Variants in DDR2 observed in about 807,000 individuals in gnomAD.
The protein encoded by DDR2 is discoidin domain-containing receptor 2.
In DDR2, 27 loss-of-function variants were observed where a neutral mutation model predicts 94.9. The ratio of observed to expected loss-of-function variants is 0.28; its 90% CI spans 0.21 to 0.39. DDR2 has a LOEUF of 0.39. DDR2 is among the 10% of genes least tolerant of loss of function. The pLI is 1.00. For missense variants in DDR2, 783 were observed against 1,076.0 expected (o/e 0.73, Z 3.81); for synonymous variants, 382 against 377.2 (o/e 1.01, Z -0.15).
At chr1:162,696,179 T>A (rs1660176687) in intron 2 of DDR2, among the ~76,000 whole-genome samples, 1 of 148,690 alleles carries the variant, frequency 6.7e-6, no homozygotes, top group South Asian at 2.2e-4. Flanking sequence ...GACATGGAAA[T>A]GTTTTAAATG....
intron 2 of DDR2, among the ~76,000 whole-genome samples, chr1:162,688,660 A>C (rs1659806300): frequency 6.6e-6 from 1 of 152,284 alleles, no homozygotes; most frequent in Non-Finnish European, 1.5e-5. Context: ...GAATTCACCC[A>C]TAAAGAAGAC....
At position 162,785,809 on chromosome 1, in the gene DDR2, T is replaced by C. The variant is rs148537455; in HGVS notation, c.*5563T>C. ...TGGTGAAGTGCATTCTCTGTTTGTA[T>C]ACTTTTTGATGGAGAAATTGATCTA... is the stretch of plus-strand genomic sequence containing the variant. On this transcript the variant is annotated 3_prime_UTR_variant, in exon 18 of 18. Coordinates refer to ENST00000367921, the MANE Select transcript of DDR2 (RefSeq NM_006182.4). The C allele has an allele frequency of 2.1e-3, 317 of 152,372 alleles. 3 individuals are homozygous for C. Among genetic ancestry groups the C allele is most frequent in the African/African-American group, 7.4e-3 (308 of 41,582 alleles). 9.4% of individuals were successfully genotyped at this position (152,372 alleles called of 1,614,324 possible).
At chr1:162,657,410 A>G (rs1658049449) in intron 2 of DDR2, among the ~76,000 whole-genome samples, 1 of 152,168 alleles carries the variant, frequency 6.6e-6, no homozygotes, top group Non-Finnish European at 1.5e-5. Context: ...TTTCTTATTA[A>G]TAGGGAGACC....
chr1:162,650,569 C>A (rs1041229293), intron 1 of DDR2, among the ~76,000 whole-genome samples: 1 of 152,106 alleles, frequency 6.6e-6, no homozygotes, highest in African/African-American at 2.4e-5. Context: ...GCCCTCCAGC[C>A]TGGGCAACAG....
chr1:162,664,944 T>C (rs1238184256), intron 2 of DDR2, among the ~76,000 whole-genome samples: 1 of 152,244 alleles, frequency 6.6e-6, no homozygotes, highest in African/African-American at 2.4e-5. Context: ...TTAGTCTTGT[T>C]CCTGGGGATA....
intron 1 of DDR2, among the ~76,000 whole-genome samples, chr1:162,637,644 G>C (rs1476912368): frequency 6.6e-6 from 1 of 152,036 alleles, no homozygotes; most frequent in Non-Finnish European, 1.5e-5. Context: ...TGCCTCTCAA[G>C]CTGTTTATAA....
At chr1:162,765,924 G>C (rs1327559225) in intron 9 of DDR2, 77 bp from the exon 10 acceptor site, 1 of 1,337,342 alleles carries the variant, frequency 7.5e-7, no homozygotes, top group East Asian at 2.3e-5. Context: ...TAATGTGCTA[G>C]GTCACAATAT....
intron 1 of DDR2, among the ~76,000 whole-genome samples, chr1:162,646,715 G>A (rs1018250198): frequency 5.3e-5 from 8 of 152,160 alleles, no homozygotes; most frequent in Admixed American, 6.5e-5. Context: ...GGGCCAGTGG[G>A]TCTCAATCTT....
chr1:162,739,694 TC>T (rs1662494423), intron 3 of DDR2, among the ~76,000 whole-genome samples: 1 of 152,224 alleles, frequency 6.6e-6, no homozygotes, highest in South Asian at 2.1e-4. Flanking sequence ...CGGAAGAATT[TC>T]ATGATTTGAT....
At chr1:162,775,608 ACT>A in intron 14 of DDR2, 42 bp from the exon 15 acceptor site, 1 of 1,605,046 alleles carries the variant, frequency 6.2e-7, no homozygotes, top group South Asian at 1.1e-5. Context: ...CTTGATTCTG[ACT>A]CTGGCAACTT....
At chr1:162,715,839 GCT>G (rs1430602258) in intron 2 of DDR2, among the ~76,000 whole-genome samples, 2 of 152,168 alleles carry the variant, frequency 1.3e-5, no homozygotes, top group East Asian at 1.9e-4. Flanking sequence ...GCTTTACAGT[GCT>G]CTGTTTGTTA....
chr1:162,772,955 C>T (rs2102188439), intron 13 of DDR2, among the ~76,000 whole-genome samples: 1 of 152,182 alleles, frequency 6.6e-6, no homozygotes. Context: ...TCTGGTGTTG[C>T]AAGAGGTTGA....
At chr1:162,662,987 A>G (rs1023198932) in intron 2 of DDR2, among the ~76,000 whole-genome samples, 3 of 152,148 alleles carry the variant, frequency 2.0e-5, no homozygotes, top group Non-Finnish European at 4.4e-5. Flanking sequence ...TGTCTCTGCC[A>G]TTAGATTATA....
chr1:162,752,996 T>C (rs1663287253), intron 3 of DDR2, 99 bp from the exon 4 acceptor site: 2 of 1,048,490 alleles, frequency 1.9e-6, no homozygotes, highest in Non-Finnish European at 2.9e-6. Flanking sequence ...GTAAATTCTC[T>C]TATTCCTTGT....
chr1:162,702,434 T>C (rs1298719918), intron 2 of DDR2, among the ~76,000 whole-genome samples: 1 of 152,202 alleles, frequency 6.6e-6, no homozygotes, highest in Non-Finnish European at 1.5e-5. Context: ...CTCCTATTGT[T>C]GGCTCTTGGT....
At chr1:162,732,231 C>G (rs1662088804) in intron 3 of DDR2, among the ~76,000 whole-genome samples, 1 of 152,200 alleles carries the variant, frequency 6.6e-6, no homozygotes, top group Non-Finnish European at 1.5e-5. Flanking sequence ...GCCCTGTAGG[C>G]TGAAGAAAGA....
intron 17 of DDR2, 27 bp downstream of exon 17, chr1:162,778,756 G>A (rs758668656): frequency 9.9e-6 from 16 of 1,613,590 alleles, no homozygotes; most frequent in Non-Finnish European, 1.3e-5. Flanking sequence ...ATGAATGGAT[G>A]TGGACCTGTG....
chr1:162,674,047 T>C (rs1659013210), intron 2 of DDR2, among the ~76,000 whole-genome samples: 1 of 152,184 alleles, frequency 6.6e-6, no homozygotes, highest in Admixed American at 6.5e-5. Context: ...AGCTCCAGAT[T>C]AGATAACAAT....
Position 162,761,360 on chromosome 1 carries a change from G to C in DDR2, c.1005G>C (p.Thr335=), listed in dbSNP as rs201957075. Residue 335 remains threonine (T), a synonymous_variant, in exon 9 of 18, where the codon ACG becomes ACC. Transcript: ENST00000367921. ...TCAACCCCAGTGCTCGGTTTGTCAC[G>C]GTGCCTCTCCACCACCGAATGGCCA... is the stretch of plus-strand genomic sequence containing the variant. ...DDVNPSARFV[T]VPLHHRMASA... 23 of 1,614,094 alleles carry C rather than the reference G, an allele frequency of 1.4e-5. No homozygotes were observed. In the South Asian group the frequency reaches 1.8e-4, roughly 12 times the overall value.
Sources: allele counts gnomAD v4.1 joint callset (sites outside exome capture counted in the v4.1 genomes callset), GRCh38; gene constraint gnomAD v4.1.1; transcripts MANE v1.5; gene names NCBI Gene and HGNC (gene_info 2026-07-23, HGNC 2026-07-21).